The following EGFLAM variants were observed in gnomAD, a reference collection of about 807,000 sequenced individuals.
The protein encoded by EGFLAM is EGF like, fibronectin type III and laminin G domains.
In EGFLAM, 79 loss-of-function variants were observed where a neutral mutation model predicts 113.1. The observed-to-expected ratio is 0.70, with a 90% CI of 0.58 to 0.84. The LOEUF (loss-of-function observed/expected upper bound fraction) is 0.84. Ranked by LOEUF, EGFLAM falls within the 40% of genes least tolerant of loss-of-function variation. The probability of loss-of-function intolerance (pLI) is 0.00; values close to 1 mark genes in which losing one functional copy is unlikely to be tolerated. For missense variants in EGFLAM, 1,265 were observed against 1,291.6 expected (o/e 0.98, Z 0.32); for synonymous variants, 504 against 487.6 (o/e 1.03, Z -0.44).
chr5:38,307,948 A>G (rs549429720), intron 1 of EGFLAM, among the ~76,000 whole-genome samples: 53 of 152,254 alleles, frequency 3.5e-4, no homozygotes, highest in African/African-American at 1.3e-3. Context: ...TTTCTCTGGT[A>G]TGCTCTGACT....
rs555766888 is a variant in EGFLAM at position 38,266,978 on chromosome 5, A to G, written c.97+8127A>G. On this transcript the variant is annotated intron_variant, in intron 1 of 21. Transcript: ENST00000322350. ...TATTGATGTTTCCTCAGCTGGAAAG[A>G]GCCCCCACTTATCCAAAGCAGGCTA... Among the ~76,000 whole-genome samples, 49 of 152,302 alleles carry G rather than the reference A, an allele frequency of 3.2e-4. No individual in the cohort carries two copies. The South Asian group carries it at 4.8e-3, about 15-fold the overall frequency.
intron 12 of EGFLAM, among the ~76,000 whole-genome samples, chr5:38,422,219 C>G (rs1741848274): frequency 6.6e-6 from 1 of 152,130 alleles, no homozygotes; most frequent in Non-Finnish European, 1.5e-5. Flanking sequence ...CAGAAACCTA[C>G]ACAACAACTG....
At chr5:38,430,423 AT>A (rs1016206491) in intron 14 of EGFLAM, among the ~76,000 whole-genome samples, 19 of 152,208 alleles carry the variant, frequency 1.2e-4, no homozygotes, top group African/African-American at 4.6e-4. Flanking sequence ...AATAAATGCA[AT>A]GTTCCTACTG....
intron 19 of EGFLAM, among the ~76,000 whole-genome samples, chr5:38,452,301 G>A (rs1742946451): frequency 6.6e-6 from 1 of 152,000 alleles, no homozygotes; most frequent in African/African-American, 2.4e-5. Flanking sequence ...CAAAGTGCTG[G>A]GATTACAGGC....
chr5:38,394,599 C>CG (rs1740905979), intron 6 of EGFLAM, among the ~76,000 whole-genome samples: 17 of 149,648 alleles, frequency 1.1e-4, no homozygotes, highest in South Asian at 4.3e-4. Context: ...TTAGTAGAGA[C>CG]GGGGTTTCAC....
chr5:38,259,206 C>G (rs1757440305), intron 1 of EGFLAM, among the ~76,000 whole-genome samples: 2 of 152,168 alleles, frequency 1.3e-5, no homozygotes. Context: ...TCCTGCGTCT[C>G]CAAACATTTT....
intron 6 of EGFLAM, among the ~76,000 whole-genome samples, chr5:38,385,433 C>T (rs572866538): frequency 3.4e-4 from 52 of 152,072 alleles, no homozygotes; most frequent in Non-Finnish European, 6.5e-4. Context: ...ATACCTAATA[C>T]AATGCAAATG....
intron 18 of EGFLAM, among the ~76,000 whole-genome samples, chr5:38,448,915 G>A (rs959515771): frequency 6.6e-6 from 1 of 152,202 alleles, no homozygotes; most frequent in Non-Finnish European, 1.5e-5. Flanking sequence ...AGTTCAGTGA[G>A]AGGCTTCTCA....
intron 1 of EGFLAM, among the ~76,000 whole-genome samples, chr5:38,262,796 G>A (rs1410098592): frequency 3.9e-5 from 6 of 152,148 alleles, no homozygotes; most frequent in Admixed American, 6.5e-5. Context: ...ACACGTGCAC[G>A]TAGAAGTCTT....
chr5:38,455,384 C>G (rs187400680), intron 19 of EGFLAM, among the ~76,000 whole-genome samples: 20 of 152,274 alleles, frequency 1.3e-4, no homozygotes, highest in African/African-American at 4.6e-4. Context: ...ATTCTTATAT[C>G]TGTTTGTTTC....
At chr5:38,440,460 C>T (rs184814971) in intron 17 of EGFLAM, among the ~76,000 whole-genome samples, 30 of 152,266 alleles carry the variant, frequency 2.0e-4, no homozygotes, top group African/African-American at 7.2e-4. Flanking sequence ...GCCATGCCGA[C>T]TGCTCTAATA....
At chr5:38,359,275 G>C (rs1739857812) in intron 5 of EGFLAM, among the ~76,000 whole-genome samples, 1 of 152,182 alleles carries the variant, frequency 6.6e-6, no homozygotes, top group East Asian at 1.9e-4. Context: ...AACTTACCTA[G>C]AGTTTTTCTA....
chr5:38,345,009 C>T (rs1233364311), intron 3 of EGFLAM, among the ~76,000 whole-genome samples: 1 of 152,128 alleles, frequency 6.6e-6, no homozygotes, highest in African/African-American at 2.4e-5. Flanking sequence ...GACGAGTCAT[C>T]CAGGTGACAG....
intron 13 of EGFLAM, 38 bp downstream of exon 13, chr5:38,425,130 A>T (rs1223343271): frequency 1.2e-6 from 2 of 1,604,438 alleles, no homozygotes; most frequent in East Asian, 2.2e-5. Context: ...TTCTATCTGC[A>T]TGTTAATTTG....
intron 1 of EGFLAM, among the ~76,000 whole-genome samples, chr5:38,267,961 A>G (rs1056442170): frequency 6.6e-6 from 1 of 152,184 alleles, no homozygotes; most frequent in Non-Finnish European, 1.5e-5. Flanking sequence ...TTTTACGTGG[A>G]CAAAGAGTAA....
intron 1 of EGFLAM, among the ~76,000 whole-genome samples, chr5:38,292,747 G>A (rs1758366610): frequency 6.6e-6 from 1 of 152,202 alleles, no homozygotes; most frequent in Admixed American, 6.5e-5. Context: ...TGGGTGGCAT[G>A]TGTGATTAAT....
At chr5:38,322,418 G>A (rs1324862899) in intron 1 of EGFLAM, among the ~76,000 whole-genome samples, 1 of 152,198 alleles carries the variant, frequency 6.6e-6, no homozygotes, top group Non-Finnish European at 1.5e-5. Context: ...GGGGAGAGGT[G>A]TGGCTAGAGG....
At chr5:38,361,412 G>A (rs546010915) in intron 5 of EGFLAM, among the ~76,000 whole-genome samples, 23 of 152,260 alleles carry the variant, frequency 1.5e-4, no homozygotes, top group Admixed American at 3.9e-4. Flanking sequence ...TGAATGCAAC[G>A]TCTACCTTGC....
rs1323580217 is a variant in EGFLAM, at chr5:38,406,965, T to C, written c.966T>C (p.Ala322=). Residue 322 remains alanine, a synonymous_variant, in exon 8 of 22, where the codon GCT becomes GCC. Transcript: ENST00000322350. The part of the protein sequence containing the change: ...TSASLPVTTV[A]PQPIPIQRKG... The stretch of plus-strand genomic sequence containing the variant: ...CATCTCTCCCTGTGACCACGGTGGC[T>C]CCCCAGCCCATTCCCATACAGAGAA... 1 of 1,614,194 alleles carries C rather than the reference T, an allele frequency of 6.2e-7. No homozygotes were observed. The highest frequency in any genetic ancestry group is 1.1e-5 in the South Asian group (1 of 91,080).
Sources: gnomAD v4.1 joint callset for allele counts (sites outside exome capture counted in the v4.1 genomes callset) on GRCh38, gnomAD v4.1.1 for gene constraint, MANE v1.5 for transcripts, NCBI Gene and HGNC (gene_info 2026-07-23, HGNC 2026-07-21) for gene names.